The following EPHB2 variants were observed in gnomAD, a reference collection of about 807,000 sequenced individuals.
EPHB2 encodes ephrin type-B receptor 2.
A neutral mutation model predicts 96.4 loss-of-function variants in EPHB2; 18 were observed. That is an observed-to-expected ratio of 0.19 (90% CI 0.13 to 0.28). The LOEUF (loss-of-function observed/expected upper bound fraction) is 0.28. Among genes scored for constraint, EPHB2 ranks in the 10% least tolerant of loss-of-function variants. The pLI is 1.00. For synonymous variants in EPHB2, 506 were observed against 534.1 expected, an observed-to-expected ratio of 0.95 and a Z score of 0.72; for missense variants, 989 against 1,355.4, an observed-to-expected ratio of 0.73 and a Z score of 4.25.
rs185643477 is a variant in EPHB2, at chr1:22,855,683, A to G, written c.812-7354A>G. Among the ~76,000 whole-genome samples, 9 of 152,370 alleles carry G rather than the reference A, an allele frequency of 5.9e-5. No homozygotes were observed. In the East Asian group the frequency reaches 1.5e-3, roughly 26 times the overall value. On this transcript the variant is annotated intron_variant, in intron 3 of 15. Coordinates refer to ENST00000374630, the MANE Select transcript of EPHB2 (RefSeq NM_017449.5). ...GCCAAGAATAAATGAATATAATAAT[A>G]GCCAACACTTACATAGCACTTAACA...
At chr1:22,756,200 A>T (rs563213981) in intron 1 of EPHB2, among the ~76,000 whole-genome samples, 1 of 152,230 alleles carries the variant, frequency 6.6e-6, no homozygotes, top group Non-Finnish European at 1.5e-5. Flanking sequence ...ACTTTCTCCC[A>T]CAGGCCCTGG....
chr1:22,716,666 T>C (rs1159577779), intron 1 of EPHB2, among the ~76,000 whole-genome samples: 3 of 152,236 alleles, frequency 2.0e-5, no homozygotes, highest in African/African-American at 7.2e-5. Flanking sequence ...GCCAGTTTGC[T>C]GGGCATTCAG....
chr1:22,914,098 T>A lies in EPHB2; in HGVS notation c.*528T>A. 1.9e-6 allele frequency: 1 copy of A among 537,486 alleles called. No homozygotes were observed. Among genetic ancestry groups the A allele is most frequent in the Non-Finnish European group, 3.2e-6 (1 of 313,332 alleles). The allele number at this position is 537,486 out of a possible 1,614,324, so 33.3% of individuals were successfully genotyped here. On this transcript the variant is annotated 3_prime_UTR_variant, in exon 16 of 16. Coordinates refer to ENST00000374630, the MANE Select transcript of EPHB2 (RefSeq NM_017449.5). Reference sequence around the variant, plus strand: ...GGGACAGATGGACAGACAGCCACCCTGAGAACCCCTCTGGGAAAATCTATT... The same window carrying A: ...GGGACAGATGGACAGACAGCCACCCAGAGAACCCCTCTGGGAAAATCTATT...
At chr1:22,736,527 TG>T (rs1643832266) in intron 1 of EPHB2, among the ~76,000 whole-genome samples, 1 of 152,066 alleles carries the variant, frequency 6.6e-6, no homozygotes, top group African/African-American at 2.4e-5. Context: ...CATGGTTCCC[TG>T]GGGGTGGGAA....
chr1:22,713,774 G>A (rs1026821711), intron 1 of EPHB2, among the ~76,000 whole-genome samples: 1 of 152,306 alleles, frequency 6.6e-6, no homozygotes, highest in African/African-American at 2.4e-5. Flanking sequence ...CTGTCCTGCC[G>A]GTTAAGTCCC....
In EPHB2 at chr1:22,794,331, G is replaced by C. The variant is rs577789202; in HGVS notation, c.811+9255G>C. 1.1e-4 allele frequency among the ~76,000 whole-genome samples: 17 copies of C among 152,238 alleles called. No homozygotes were observed. The South Asian group carries it at 3.3e-3, about 30-fold the overall frequency. ...TTTCCTATCAAGCGATGCAAGGCAG[G>C]ATGGAACACAGTCCCAGGACGAAGG... On this transcript the variant is annotated intron_variant, in intron 3 of 15. Transcript: ENST00000374630.
chr1:22,906,180 C>G lies in EPHB2; in HGVS notation c.1888+71C>G. On this transcript the variant is annotated intron_variant, in intron 10 of 15. Coordinates refer to ENST00000374630, the MANE Select transcript of EPHB2 (RefSeq NM_017449.5). The surrounding 1 kb of genome is among the most constrained non-coding windows in gnomAD (Gnocchi z 4.8). ...TGGTGAGACCACCCCAATGTATACC[C>G]TTGGGGCAGAAGGTAGGATGTGGGA... 2.0e-5 allele frequency: 32 copies of G among 1,606,734 alleles called. No homozygotes were observed. Among genetic ancestry groups the G allele is most frequent in the Non-Finnish European group, 2.6e-5 (31 of 1,175,090 alleles).
chr1:22,735,436 A>G (rs1479796635), intron 1 of EPHB2, among the ~76,000 whole-genome samples: 3 of 125,320 alleles, frequency 2.4e-5, no homozygotes, highest in African/African-American at 8.3e-5. Flanking sequence ...GAGACCCGGT[A>G]TCAAAAAAAA....
At chr1:22,877,313 T>C (rs891111776) in intron 5 of EPHB2, among the ~76,000 whole-genome samples, 1 of 152,320 alleles carries the variant, frequency 6.6e-6, no homozygotes, top group African/African-American at 2.4e-5. Flanking sequence ...ACCAGCCTTG[T>C]AGGGTTGATA....
intron 1 of EPHB2, among the ~76,000 whole-genome samples, chr1:22,779,162 C>A (rs1298740323): frequency 6.6e-6 from 1 of 152,266 alleles, no homozygotes; most frequent in Non-Finnish European, 1.5e-5. Flanking sequence ...AGCCCTTGTT[C>A]TCTCCAGGAA....
chr1:22,858,244 T>C lies in EPHB2; in HGVS notation c.812-4793T>C, dbSNP rs1168991323. Among the ~76,000 whole-genome samples, 3 of 152,098 alleles carry C rather than the reference T, an allele frequency of 2.0e-5. No homozygotes were observed. The highest frequency in any genetic ancestry group is 6.5e-5 in the Admixed American group (1 of 15,274). Reference sequence around the variant, plus strand: ...TGAGTGAGAGGAGGAGGGGGAAGCGTCCAGGAGACCATCAGGACCAACCTC... The same window carrying C: ...TGAGTGAGAGGAGGAGGGGGAAGCGCCCAGGAGACCATCAGGACCAACCTC... On this transcript the variant is annotated intron_variant, in intron 3 of 15. Transcript: ENST00000374630. The surrounding 1 kb of genome is among the most constrained non-coding windows in gnomAD (Gnocchi z 7.7).
chr1:22,871,970 C>T (rs927479946), intron 5 of EPHB2, among the ~76,000 whole-genome samples: 8 of 151,146 alleles, frequency 5.3e-5, no homozygotes, highest in African/African-American at 1.5e-4. Context: ...GAGCAGAGAT[C>T]GTGCCATTGC....
chr1:22,744,326 C>G (rs934359186), intron 1 of EPHB2, among the ~76,000 whole-genome samples: 4 of 151,956 alleles, frequency 2.6e-5, no homozygotes, highest in African/African-American at 9.7e-5. Flanking sequence ...TGTTGAAAAT[C>G]CACATATAAC....
At chr1:22,735,155 G>T (rs1643798921) in intron 1 of EPHB2, among the ~76,000 whole-genome samples, 1 of 152,122 alleles carries the variant, frequency 6.6e-6, no homozygotes, top group African/African-American at 2.4e-5. Flanking sequence ...GGGTACGGTG[G>T]CTCACTCCTA....
chr1:22,825,381 A>G (rs906037330), intron 3 of EPHB2, among the ~76,000 whole-genome samples: 3 of 152,192 alleles, frequency 2.0e-5, no homozygotes, highest in Non-Finnish European at 2.9e-5. Flanking sequence ...CAGTTGGAAC[A>G]CACACTATGA....
chr1:22,895,692 G>A (rs1639536728), intron 8 of EPHB2, 112 bp downstream of exon 8: 2 of 1,019,568 alleles, frequency 2.0e-6, no homozygotes, highest in South Asian at 1.4e-5. Flanking sequence ...TCTCACAATT[G>A]CAGGGAGAGA....
At chr1:22,775,317 T>C (rs745788921) in intron 1 of EPHB2, 6 of 768,420 alleles carry the variant, frequency 7.8e-6, no homozygotes, top group African/African-American at 1.7e-5. Context: ...CTTCTGGAGG[T>C]TGCGCCTGAA....
intron 1 of EPHB2, among the ~76,000 whole-genome samples, chr1:22,721,847 C>T (rs974647471): frequency 6.6e-6 from 1 of 151,382 alleles, no homozygotes; most frequent in African/African-American, 2.4e-5. Flanking sequence ...AACTTGTGAA[C>T]TCAAGCAGTC....
intron 1 of EPHB2, among the ~76,000 whole-genome samples, chr1:22,775,707 C>G (rs1271780404): frequency 6.6e-6 from 1 of 152,236 alleles, no homozygotes; most frequent in South Asian, 2.1e-4. Context: ...TTGCTTTCTT[C>G]TGTGCAGCCT....
Sources: gnomAD v4.1 joint callset for allele counts (sites outside exome capture counted in the v4.1 genomes callset) on GRCh38, gnomAD v4.1.1 for gene constraint, Gnocchi (gnomAD v3.1) non-coding constraint, MANE v1.5 for transcripts, NCBI Gene and HGNC (gene_info 2026-07-23, HGNC 2026-07-21) for gene names.